The following DCC variants were observed in gnomAD, a reference collection of about 807,000 sequenced individuals.
The protein encoded by DCC is DCC netrin 1 receptor, also known as netrin receptor DCC.
In DCC, 58 loss-of-function variants were observed where a neutral mutation model predicts 172.5. The ratio of observed to expected loss-of-function variants is 0.34; its 90% CI spans 0.27 to 0.42. The LOEUF is 0.42. DCC is among the 10% of genes least tolerant of loss of function. The probability of loss-of-function intolerance (pLI) is 1.00; values close to 1 mark genes in which losing one functional copy is unlikely to be tolerated. For synonymous variants in DCC, 709 were observed against 644.5 expected (o/e 1.10, Z -1.52); for missense variants, 1,740 against 1,791.0 (o/e 0.97, Z 0.51).
At chr18:52,417,763 A>T (rs543287113) in intron 1 of DCC, among the ~76,000 whole-genome samples, 2 of 152,230 alleles carry the variant, frequency 1.3e-5, no homozygotes, top group Admixed American at 1.3e-4. Flanking sequence ...TATTCTAGTT[A>T]TACATTCGTC....
At chr18:53,233,935 G>A (rs2056160861) in intron 12 of DCC, among the ~76,000 whole-genome samples, 1 of 151,992 alleles carries the variant, frequency 6.6e-6, no homozygotes, top group Non-Finnish European at 1.5e-5. Flanking sequence ...CCAACATGGT[G>A]AAACCTTGTC....
chr18:53,493,523 C>G (rs534204281), intron 26 of DCC, among the ~76,000 whole-genome samples: 4 of 152,202 alleles, frequency 2.6e-5, no homozygotes, highest in Admixed American at 1.3e-4. Flanking sequence ...AGGAATTTAT[C>G]CATTTCTCTA....
At chr18:53,156,688 C>T (rs2054741509) in intron 7 of DCC, among the ~76,000 whole-genome samples, 1 of 152,056 alleles carries the variant, frequency 6.6e-6, no homozygotes, top group Admixed American at 6.6e-5. Context: ...CTTCTTAGAA[C>T]TGTTAAAAAT....
intron 12 of DCC, among the ~76,000 whole-genome samples, chr18:53,272,092 CTT>C (rs2056755671): frequency 6.6e-6 from 1 of 152,044 alleles, no homozygotes; most frequent in Non-Finnish European, 1.5e-5. Flanking sequence ...GGTTAAGAAA[CTT>C]AGTATTTTGG....
chr18:52,944,610 G>A (rs938927562), intron 5 of DCC, among the ~76,000 whole-genome samples: 1 of 152,196 alleles, frequency 6.6e-6, no homozygotes, highest in Admixed American at 6.5e-5. Flanking sequence ...GGAGCTTTAA[G>A]AGTAGTCTCC....
intron 15 of DCC, among the ~76,000 whole-genome samples, chr18:53,367,708 C>T (rs980031106): frequency 2.6e-5 from 4 of 152,076 alleles, no homozygotes; most frequent in Admixed American, 1.3e-4. Context: ...TGGCAGCCAC[C>T]ACACTAATTT....
chr18:52,413,838 A>C (rs1270375988), intron 1 of DCC, among the ~76,000 whole-genome samples: 1 of 152,176 alleles, frequency 6.6e-6, no homozygotes, highest in Non-Finnish European at 1.5e-5. Flanking sequence ...CTCTTTAGAA[A>C]AATACTCCTT....
intron 12 of DCC, among the ~76,000 whole-genome samples, chr18:53,244,281 T>A (rs1322889835): frequency 2.0e-5 from 3 of 152,194 alleles, no homozygotes; most frequent in Non-Finnish European, 4.4e-5. Context: ...TTCCAGTATG[T>A]TATTGCATGG....
intron 23 of DCC, among the ~76,000 whole-genome samples, chr18:53,451,749 CTG>C (rs376581359): frequency 3.5e-4 from 53 of 151,026 alleles, no homozygotes; most frequent in Middle Eastern, 6.8e-3. Context: ...CTCTCTCTCT[CTG>C]TCTGTCTTTC....
chr18:52,360,760 T>C (rs887371932), intron 1 of DCC, among the ~76,000 whole-genome samples: 12 of 152,232 alleles, frequency 7.9e-5, no homozygotes, highest in African/African-American at 1.9e-4. Flanking sequence ...AAAGTCTTTT[T>C]TGGGGAGGAC....
Position 53,339,775 on chromosome 18 carries a change from A to T in DCC, c.2227A>T (p.Met743Leu), listed in dbSNP as rs199651452. 9.9e-6 allele frequency: 16 copies of T among 1,613,968 alleles called. No homozygotes were observed. Among genetic ancestry groups the T allele is most frequent in the Non-Finnish European group, 1.4e-5 (16 of 1,179,914 alleles). ...GAGGCCCCAGACTAACTGCATCATC[A>T]TGAGTTGGACTCCTCCCTTGAACCC... ...HVRPQTNCII[M>L]SWTPPLNPNI... is the part of the protein sequence containing the mutation. The change falls in exon 15 of 29, where the codon ATG becomes TTG. Residue 743 changes from methionine to leucine, a missense_variant. By Grantham distance (15) the Met-to-Leu change is conservative (BLOSUM62 2). This residue lies in a region of DCC where 1,732 missense variants were observed against 1,767.4 expected (regional missense o/e 0.98). Transcript: ENST00000442544.
intron 2 of DCC, among the ~76,000 whole-genome samples, chr18:52,770,942 G>T (rs1023131082): frequency 1.3e-5 from 2 of 152,144 alleles, no homozygotes; most frequent in Non-Finnish European, 2.9e-5. Context: ...TTCTATACAT[G>T]GTTCCTCACA....
At chr18:53,136,440 G>A (rs778885517) in intron 7 of DCC, among the ~76,000 whole-genome samples, 2 of 152,010 alleles carry the variant, frequency 1.3e-5, no homozygotes, top group African/African-American at 2.4e-5. Flanking sequence ...TAAGTATATT[G>A]CATTTTTAGT....
At chr18:53,506,012 A>ATAGTT (rs1447239660) in intron 27 of DCC, among the ~76,000 whole-genome samples, 1 of 152,206 alleles carries the variant, frequency 6.6e-6, no homozygotes, top group Non-Finnish European at 1.5e-5. Context: ...TCACCTTTTT[A>ATAGTT]TAGTTTACAG....
intron 7 of DCC, among the ~76,000 whole-genome samples, chr18:53,116,262 C>T (rs922706784): frequency 2.6e-5 from 4 of 151,674 alleles, no homozygotes; most frequent in Admixed American, 6.6e-5. Context: ...GGAGCTAGCC[C>T]GAGCATAGGA....
chr18:53,473,623 T>A (rs1038765319), intron 25 of DCC, among the ~76,000 whole-genome samples: 1 of 152,190 alleles, frequency 6.6e-6, no homozygotes, highest in African/African-American at 2.4e-5. Flanking sequence ...TTTCATTTAA[T>A]CCTCACAATA....
intron 1 of DCC, among the ~76,000 whole-genome samples, chr18:52,611,194 CA>C (rs1203311926): frequency 2.0e-5 from 3 of 152,082 alleles, no homozygotes; most frequent in Non-Finnish European, 2.9e-5. Context: ...GATTTCAGCT[CA>C]CAGGGTGTCT....
intron 15 of DCC, among the ~76,000 whole-genome samples, chr18:53,361,966 A>T (rs1311861374): frequency 5.3e-5 from 8 of 152,198 alleles, no homozygotes; most frequent in Non-Finnish European, 1.0e-4. Context: ...AAAGTATTGG[A>T]CAAAACAGTA....
chr18:53,360,140 AT>A (rs1237236206), intron 15 of DCC, among the ~76,000 whole-genome samples: 2 of 152,076 alleles, frequency 1.3e-5, no homozygotes, highest in Non-Finnish European at 2.9e-5. Context: ...TTCTGTAAGA[AT>A]TTTTTGTTTA....
Sources: gnomAD v4.1 joint callset for allele counts (sites outside exome capture counted in the v4.1 genomes callset) on GRCh38, gnomAD v4.1.1 for gene constraint, gnomAD v4.1.1 regional missense constraint, MANE v1.5 for transcripts, NCBI Gene and HGNC (gene_info 2026-07-23, HGNC 2026-07-21) for gene names.